FOXP2: variants seen among roughly 807,000 people sequenced by gnomAD.
FOXP2 encodes the protein forkhead box P2, also known as forkhead box protein P2.
In FOXP2, 12 loss-of-function variants were observed where a neutral mutation model predicts 115.8. That is an observed-to-expected ratio of 0.10 (90% CI 0.07 to 0.17). The LOEUF (loss-of-function observed/expected upper bound fraction) is 0.17. Ranked by LOEUF, FOXP2 falls within the 10% of genes least tolerant of loss-of-function variation. The pLI, the probability that FOXP2 is intolerant of heterozygous loss-of-function variation, is 1.00. For missense variants in FOXP2, 629 were observed against 843.5 expected (o/e 0.75, Z 3.15); for synonymous variants, 328 against 297.7 (o/e 1.10, Z -1.05).
chr7:114,211,539 T>C (rs1357637032), intron 1 of FOXP2, among the ~76,000 whole-genome samples: 3 of 152,228 alleles, frequency 2.0e-5, no homozygotes, highest in African/African-American at 7.2e-5. Context: ...AACTTGGATA[T>C]TTCAGTCGAA....
chr7:114,460,074 T>A (rs1284851484), intron 2 of FOXP2, among the ~76,000 whole-genome samples: 1 of 152,192 alleles, frequency 6.6e-6, no homozygotes, highest in Admixed American at 6.5e-5. Flanking sequence ...TTGTTTTGGT[T>A]TGGTTTTTAC....
chr7:114,221,285 TTTTATGACACAATTTTA>T (rs1358001396), intron 1 of FOXP2, among the ~76,000 whole-genome samples: 1 of 152,188 alleles, frequency 6.6e-6, no homozygotes, highest in Non-Finnish European at 1.5e-5. Context: ...GGTTTTTTTA[TTTTATGACACAATTTTA>T]TTTATGACAC....
At chr7:114,618,342 C>G (rs1020899281) in intron 3 of FOXP2, among the ~76,000 whole-genome samples, 5 of 152,076 alleles carry the variant, frequency 3.3e-5, no homozygotes, top group African/African-American at 1.2e-4. Context: ...TAAAACAAAA[C>G]AAAATTACTA....
chr7:114,412,852 G>C (rs1584704171), upstream of FOXP2, among the ~76,000 whole-genome samples: 1 of 152,158 alleles, frequency 6.6e-6, no homozygotes, highest in East Asian at 1.9e-4. Flanking sequence ...TTTGCAAAGA[G>C]ACACTAGTGG....
chr7:114,579,366 G>T (rs1801723681), intron 3 of FOXP2, among the ~76,000 whole-genome samples: 1 of 152,092 alleles, frequency 6.6e-6, no homozygotes, highest in African/African-American at 2.4e-5. Context: ...ATAGAAATGG[G>T]TACAGAGGTT....
intron 2 of FOXP2, among the ~76,000 whole-genome samples, chr7:114,370,453 C>G (rs889158726): frequency 6.6e-6 from 1 of 152,188 alleles, no homozygotes; most frequent in African/African-American, 2.4e-5. Flanking sequence ...CTGTTCCTAG[C>G]CTCGTTTATG....
intron 2 of FOXP2, among the ~76,000 whole-genome samples, chr7:114,371,813 T>C (rs1792016575): frequency 6.6e-6 from 1 of 152,224 alleles, no homozygotes; most frequent in South Asian, 2.1e-4. Context: ...TTATGTAATG[T>C]ACTTCTATTT....
intron 2 of FOXP2, among the ~76,000 whole-genome samples, chr7:114,438,263 A>G (rs972231304): frequency 5.3e-5 from 8 of 152,106 alleles, no homozygotes; most frequent in Non-Finnish European, 1.2e-4. Context: ...TAAATTTTAT[A>G]AACAATCCAA....
At chr7:114,590,571 GTTTCTTATA>G (rs1802392074) in intron 3 of FOXP2, among the ~76,000 whole-genome samples, 1 of 152,098 alleles carries the variant, frequency 6.6e-6, no homozygotes, top group South Asian at 2.1e-4. Flanking sequence ...ATACTGTGGT[GTTTCTTATA>G]TGCAGATATA....
rs138030142 is a variant in FOXP2 at position 114,586,224 on chromosome 7, G to T, written c.259-42316G>T. On this transcript the variant is annotated intron_variant, in intron 3 of 16. Coordinates refer to ENST00000350908, the MANE Select transcript of FOXP2 (RefSeq NM_014491.4). Reference sequence around the variant, plus strand: ...AACTAATTAAGAACTATACTATTAAGAACTTAATAGTGTGAAGTTTAAAAA... The same window carrying T: ...AACTAATTAAGAACTATACTATTAATAACTTAATAGTGTGAAGTTTAAAAA... Among the ~76,000 whole-genome samples, 435 of 152,196 alleles carry T rather than the reference G, an allele frequency of 2.9e-3. 3 individuals are homozygous for T. Among genetic ancestry groups the T allele is most frequent in the African/African-American group, 0.01 (417 of 41,530 alleles).
intron 6 of FOXP2, among the ~76,000 whole-genome samples, chr7:114,639,027 T>G (rs1403262321): frequency 2.0e-5 from 3 of 152,196 alleles, no homozygotes; most frequent in Admixed American, 2.0e-4. Context: ...TACAAATGAA[T>G]AGTATCATAG....
chr7:114,446,062 TA>T (rs1457228610), intron 2 of FOXP2, among the ~76,000 whole-genome samples: 1 of 134,306 alleles, frequency 7.4e-6, no homozygotes, highest in African/African-American at 2.6e-5. Context: ...TTTTTAATAT[TA>T]AAAAGATATC....
At chr7:114,198,939 G>C (rs117919489) in intron 1 of FOXP2, among the ~76,000 whole-genome samples, 1 of 152,124 alleles carries the variant, frequency 6.6e-6, no homozygotes, top group Non-Finnish European at 1.5e-5. Context: ...TCTTTTTCGG[G>C]TCCTCTTTTT....
Position 114,664,435 on chromosome 7 carries a change from A to G in FOXP2, c.2002A>G (p.Ile668Val). ...SSPGCSPQPHIHSIHVKEEPV... is the reference protein window; with the variant it reads ...SSPGCSPQPHVHSIHVKEEPV... Reference sequence around the variant, plus strand: ...TCCGGGCTGCTCACCTCAGCCGCACATGTAAGTGTGGTTAACAGACTCTCT... The same window carrying G: ...TCCGGGCTGCTCACCTCAGCCGCACGTGTAAGTGTGGTTAACAGACTCTCT... Residue 668 changes from isoleucine (I) to valine (V), a missense_variant and splice_region_variant, in exon 16 of 17, where the codon ATA (isoleucine) becomes GTA (valine). Ile to Val is a conservative substitution (Grantham distance 29, BLOSUM62 3). Transcript: ENST00000350908. The G allele has an allele frequency of 6.2e-7, 1 of 1,613,364 alleles. No homozygotes were observed. Among genetic ancestry groups the G allele is most frequent in the Non-Finnish European group, 8.5e-7 (1 of 1,179,580 alleles).
At chr7:114,516,215 T>C (rs1432451408) in intron 2 of FOXP2, among the ~76,000 whole-genome samples, 1 of 152,148 alleles carries the variant, frequency 6.6e-6, no homozygotes, top group Non-Finnish European at 1.5e-5. Context: ...AACAGAGATA[T>C]AGATCAATGG....
At chr7:114,597,315 G>A (rs1157172404) in intron 3 of FOXP2, among the ~76,000 whole-genome samples, 2 of 152,026 alleles carry the variant, frequency 1.3e-5, no homozygotes, top group African/African-American at 4.8e-5. Context: ...TTCTTTGAAG[G>A]CAAACTATGC....
intron 3 of FOXP2, among the ~76,000 whole-genome samples, chr7:114,576,955 A>G (rs113120149): frequency 6.6e-6 from 1 of 151,964 alleles, no homozygotes; most frequent in Non-Finnish European, 1.5e-5. Flanking sequence ...AAACAAACAT[A>G]CATCATACAT....
chr7:114,324,241 C>A (rs1375091954), intron 2 of FOXP2, among the ~76,000 whole-genome samples: 1 of 151,748 alleles, frequency 6.6e-6, no homozygotes, highest in African/African-American at 2.4e-5. Context: ...ATATCCCAGT[C>A]TCTTTTTATG....
At chr7:114,522,142 G>GTTT (rs1340677886) in intron 2 of FOXP2, among the ~76,000 whole-genome samples, 1 of 152,166 alleles carries the variant, frequency 6.6e-6, no homozygotes, top group Non-Finnish European at 1.5e-5. Context: ...TAAGAAGTAA[G>GTTT]TTTTCTTAGG....
Sources: allele counts gnomAD v4.1 joint callset (sites outside exome capture counted in the v4.1 genomes callset), GRCh38; gene constraint gnomAD v4.1.1; transcripts MANE v1.5; gene names NCBI Gene and HGNC (gene_info 2026-07-23, HGNC 2026-07-21).